MGST3: variants seen among roughly 807,000 people sequenced by gnomAD.
MGST3 encodes microsomal glutathione S-transferase 3.
A neutral mutation model predicts 15.8 loss-of-function variants in MGST3; 13 were observed. The ratio of observed to expected loss-of-function variants is 0.82; its 90% CI spans 0.54 to 1.31. MGST3 has a LOEUF of 1.31. MGST3 is among the 50% of genes most tolerant of loss of function. The pLI is 0.00. For missense variants in MGST3, 155 were observed against 192.4 expected (o/e 0.81, Z 1.15); for synonymous variants, 49 against 68.1 (o/e 0.72, Z 1.38).
chr1:165,643,554 TAA>T (rs368951005), intron 1 of MGST3, among the ~76,000 whole-genome samples: 57 of 142,238 alleles, frequency 4.0e-4, no homozygotes, highest in Non-Finnish European at 3.4e-4. Context: ...TCCTATCTCT[TAA>T]AAAAAAAAAA....
At chr1:165,634,928 G>A (rs1022292950) in intron 1 of MGST3, among the ~76,000 whole-genome samples, 2 of 151,734 alleles carry the variant, frequency 1.3e-5, no homozygotes, top group African/African-American at 2.4e-5. Context: ...GAATCATTCT[G>A]AGAAAATACT....
intron 1 of MGST3, among the ~76,000 whole-genome samples, chr1:165,633,927 G>A (rs998100981): frequency 2.0e-5 from 3 of 152,106 alleles, no homozygotes; most frequent in African/African-American, 7.2e-5. Context: ...AAGATTGGAG[G>A]AAGTTTTTTC....
intron 1 of MGST3, among the ~76,000 whole-genome samples, chr1:165,645,153 T>A (rs926474093): frequency 2.3e-4 from 35 of 152,200 alleles, no homozygotes; most frequent in Non-Finnish European, 3.8e-4. Flanking sequence ...ACCATTCAGT[T>A]CAGAACACCC....
intron 3 of MGST3, chr1:165,651,365 G>T (rs2271657): frequency 2.0e-6 from 1 of 489,036 alleles, no homozygotes; most frequent in African/African-American, 1.9e-5. Context: ...CATCTAAACC[G>T]ATGTTGACTC....
intron 1 of MGST3, among the ~76,000 whole-genome samples, chr1:165,644,040 A>C (rs889978781): frequency 5.4e-5 from 8 of 148,292 alleles, no homozygotes; most frequent in Non-Finnish European, 1.2e-4. Flanking sequence ...CCTTGGCAAC[A>C]GAGACCCTGT....
chr1:165,639,203 C>T (rs1324945749), intron 1 of MGST3, among the ~76,000 whole-genome samples: 1 of 152,134 alleles, frequency 6.6e-6, no homozygotes, highest in Non-Finnish European at 1.5e-5. Context: ...TTCAATTGAA[C>T]GTTGCAGAGG....
chr1:165,650,221 T>C, intron 2 of MGST3: 1 of 512,826 alleles, frequency 1.9e-6, no homozygotes, highest in Non-Finnish European at 3.5e-6. Context: ...ATTCCAATAG[T>C]ACACTTCTGC....
At chr1:165,650,205 G>T (rs1476926721) in intron 2 of MGST3, 2 of 546,714 alleles carry the variant, frequency 3.7e-6, no homozygotes, top group Admixed American at 3.1e-5. Context: ...GACCAGGAAT[G>T]CTGGGATTCC....
chr1:165,655,559 C>T lies in MGST3; in HGVS notation c.*55C>T. ...CATTTTAAATGACTTACCTTTATTT[C>T]CAGTTACATTTTTTTTCTAAATATA... On this transcript the variant is annotated 3_prime_UTR_variant, in exon 6 of 6. Coordinates refer to ENST00000367889, the MANE Select transcript of MGST3 (RefSeq NM_004528.4). The T allele has an allele frequency of 1.2e-6, 2 of 1,605,408 alleles. No homozygotes were observed. The highest frequency in any genetic ancestry group is 4.5e-5 in the East Asian group (2 of 44,666).
At chr1:165,636,186 T>G (rs527545710) in intron 1 of MGST3, among the ~76,000 whole-genome samples, 7 of 152,226 alleles carry the variant, frequency 4.6e-5, no homozygotes, top group Non-Finnish European at 8.8e-5. Flanking sequence ...TAATTACATT[T>G]TTAAAGTTTT....
chr1:165,652,090 T>C, intron 4 of MGST3, 55 bp downstream of exon 4: 1 of 769,182 alleles, frequency 1.3e-6, no homozygotes, highest in Non-Finnish European at 1.9e-6. Flanking sequence ...TGAGCTATTA[T>C]CAGGGACAGA....
intron 1 of MGST3, chr1:165,635,632 G>A (rs1220491083): frequency 6.6e-6 from 1 of 152,148 alleles, no homozygotes; most frequent in African/African-American, 2.4e-5. Context: ...GAATAAAAAC[G>A]ACATCTAAAA....
At chr1:165,650,694 C>T (rs1034185441) in intron 2 of MGST3, 4 of 383,488 alleles carry the variant, frequency 1.0e-5, no homozygotes, top group Middle Eastern at 8.5e-4. Context: ...CCTACAGTAT[C>T]TTTGTAATGC....
Position 165,655,539 on chromosome 1 carries a change from T to A in MGST3, c.*35T>A. 6.2e-7 allele frequency: 1 copy of A among 1,612,988 alleles called. No homozygotes were observed. The highest frequency in any genetic ancestry group is 8.5e-7 in the Non-Finnish European group (1 of 1,179,106). ...GGGGTTTAAAAACTCTCATTCATTTTAAATGACTTACCTTTATTTCCAGTT... is the reference window on the plus strand; with the variant it reads ...GGGGTTTAAAAACTCTCATTCATTTAAAATGACTTACCTTTATTTCCAGTT... On this transcript the variant is annotated 3_prime_UTR_variant, in exon 6 of 6. Transcript: ENST00000367889.
chr1:165,645,637 G>A (rs551561989), intron 1 of MGST3: 1 of 152,198 alleles, frequency 6.6e-6, no homozygotes, highest in African/African-American at 2.4e-5. Context: ...CAGTAGGTTT[G>A]TTTACACCAG....
intron 2 of MGST3, chr1:165,650,777 T>C: frequency 3.8e-6 from 2 of 526,484 alleles, no homozygotes; most frequent in East Asian, 3.4e-5. Flanking sequence ...CTCTTTCCCT[T>C]GTGCAACTAC....
At chr1:165,642,684 C>G (rs1426917503) in intron 1 of MGST3, among the ~76,000 whole-genome samples, 1 of 152,170 alleles carries the variant, frequency 6.6e-6, no homozygotes, top group African/African-American at 2.4e-5. Context: ...CCATCTAATC[C>G]TCTCAACAAC....
At chr1:165,641,356 C>CTGGT (rs1648261224) in intron 1 of MGST3, among the ~76,000 whole-genome samples, 1 of 152,128 alleles carries the variant, frequency 6.6e-6, no homozygotes, top group Non-Finnish European at 1.5e-5. Flanking sequence ...TTTATATATT[C>CTGGT]TGGTTGAATA....
At chr1:165,649,812 G>A in intron 1 of MGST3, 29 bp from the exon 2 acceptor site, 1 of 1,613,450 alleles carries the variant, frequency 6.2e-7, no homozygotes. Context: ...AGTGCTGGGG[G>A]CCGTCCCAAC....
Sources: allele counts gnomAD v4.1 joint callset (sites outside exome capture counted in the v4.1 genomes callset), GRCh38; gene constraint gnomAD v4.1.1; transcripts MANE v1.5; gene names NCBI Gene and HGNC (gene_info 2026-07-23, HGNC 2026-07-21).